The following ZFHX3 variants were observed in gnomAD, a reference collection of about 807,000 sequenced individuals.
ZFHX3 encodes the protein zinc finger homeobox protein 3.
ZFHX3 carries 42 observed loss-of-function variants against 279.1 expected under a neutral mutation model. The observed-to-expected ratio is 0.15, with a 90% CI of 0.12 to 0.19. ZFHX3 has a LOEUF of 0.19. Among genes scored for constraint, ZFHX3 ranks in the 10% least tolerant of loss-of-function variants. The pLI is 1.00. For missense variants in ZFHX3, 4,981 were observed against 4,754.0 expected (o/e 1.05, Z -1.40); for synonymous variants, 2,293 against 1,957.8 (o/e 1.17, Z -4.52).
At chr16:73,394,730 T>C (rs953880909) in intron 3 of ZFHX3, among the ~76,000 whole-genome samples, 1 of 152,226 alleles carries the variant, frequency 6.6e-6, no homozygotes, top group Admixed American at 6.5e-5. Flanking sequence ...TTTATATTAA[T>C]TGAGGCTTTG....
intron 3 of ZFHX3, among the ~76,000 whole-genome samples, chr16:73,396,995 C>T (rs1212397623): frequency 6.6e-6 from 1 of 152,200 alleles, no homozygotes; most frequent in Admixed American, 6.5e-5. Flanking sequence ...GGCAATGCCC[C>T]CTGCAGTGTG....
At chr16:72,894,860 GTCAC>G (rs1340304486) in intron 3 of ZFHX3, among the ~76,000 whole-genome samples, 1 of 152,184 alleles carries the variant, frequency 6.6e-6, no homozygotes, top group Non-Finnish European at 1.5e-5. Flanking sequence ...CTATCACAGA[GTCAC>G]CCGCTGGGGA....
chr16:73,022,234 T>C (rs1413088110), intron 1 of ZFHX3, among the ~76,000 whole-genome samples: 2 of 152,078 alleles, frequency 1.3e-5, no homozygotes, highest in South Asian at 2.1e-4. Context: ...CATGGGACTC[T>C]CAAACAAAAG....
chr16:72,926,948 A>G (rs948809123), intron 3 of ZFHX3, among the ~76,000 whole-genome samples: 5 of 152,228 alleles, frequency 3.3e-5, no homozygotes, highest in African/African-American at 1.2e-4. Flanking sequence ...ATTTATAGGA[A>G]AGTCTCCAAT....
intron 1 of ZFHX3, among the ~76,000 whole-genome samples, chr16:73,818,737 G>A (rs558833615): frequency 3.3e-5 from 5 of 152,184 alleles, no homozygotes; most frequent in East Asian, 1.9e-4. Context: ...GCTCTGCTGC[G>A]CTTTCTCAAA....
intron 3 of ZFHX3, among the ~76,000 whole-genome samples, chr16:73,409,719 G>A (rs1261169709): frequency 3.3e-5 from 5 of 152,088 alleles, no homozygotes; most frequent in African/African-American, 1.2e-4. Context: ...GTGACCTAAG[G>A]GTACATGACG....
chr16:73,530,093 C>G (rs1175174952), intron 2 of ZFHX3, among the ~76,000 whole-genome samples: 3 of 152,136 alleles, frequency 2.0e-5, no homozygotes, highest in Non-Finnish European at 4.4e-5. Context: ...TTAATGGTCT[C>G]ACAGTTCCAC....
At chr16:73,591,815 G>T (rs1474394265) in intron 2 of ZFHX3, among the ~76,000 whole-genome samples, 1 of 43,976 alleles carries the variant, frequency 2.3e-5, no homozygotes, top group Non-Finnish European at 5.2e-5. Flanking sequence ...TTGATTCAAG[G>T]AAATGGTAAA....
chr16:72,966,229 T>C (rs1316969092), intron 1 of ZFHX3, among the ~76,000 whole-genome samples: 2 of 152,014 alleles, frequency 1.3e-5, no homozygotes, highest in Non-Finnish European at 2.9e-5. Context: ...GAGGGAACAA[T>C]TAAAATGCTC....
chr16:73,468,759 G>T (rs1026604472), intron 2 of ZFHX3, among the ~76,000 whole-genome samples: 5 of 152,162 alleles, frequency 3.3e-5, no homozygotes, highest in Non-Finnish European at 5.9e-5. Context: ...GAGGAGAAAA[G>T]ATTTGGGAGG....
chr16:73,455,409 G>A (rs898382903), intron 3 of ZFHX3, among the ~76,000 whole-genome samples: 4 of 152,090 alleles, frequency 2.6e-5, no homozygotes, highest in South Asian at 2.1e-4. Context: ...AAACAAAATG[G>A]AACATACATG....
chr16:72,792,671 C>T (rs2035752417), intron 9 of ZFHX3, among the ~76,000 whole-genome samples: 1 of 152,082 alleles, frequency 6.6e-6, no homozygotes, highest in South Asian at 2.1e-4. Context: ...AGGCTGGTCT[C>T]GATTTCCTGA....
At chr16:72,910,566 C>G (rs2039292112) in intron 3 of ZFHX3, among the ~76,000 whole-genome samples, 1 of 152,180 alleles carries the variant, frequency 6.6e-6, no homozygotes, top group African/African-American at 2.4e-5. Flanking sequence ...TTCTCATAAG[C>G]ACCTTGAGAC....
intron 1 of ZFHX3, among the ~76,000 whole-genome samples, chr16:73,833,522 C>G (rs937998609): frequency 1.1e-4 from 16 of 151,918 alleles, no homozygotes; most frequent in Non-Finnish European, 1.8e-4. Context: ...CCAAACACCG[C>G]ATGTTCTCAC....
intron 3 of ZFHX3, among the ~76,000 whole-genome samples, chr16:73,355,997 G>A (rs2016334680): frequency 6.6e-6 from 1 of 152,122 alleles, no homozygotes; most frequent in South Asian, 2.1e-4. Flanking sequence ...TGCCTCTCCA[G>A]CAACCTTTCC....
rs1384689127 is a variant in ZFHX3, at chr16:72,958,019, G to A, written c.2127C>T (p.Pro709=). The change falls in exon 2 of 10, where the codon CCC becomes CCT. Residue 709 remains proline, a synonymous_variant. Transcript: ENST00000268489. ...GSCVYCKSGQ[P]HPRLARGESY... Reference sequence around the variant, plus strand: ...TCTCGCCTCGTGCCAGCCGGGGGTGGGGCTGCCCGCTTTTGCAGTAGACAC... The same window carrying A: ...TCTCGCCTCGTGCCAGCCGGGGGTGAGGCTGCCCGCTTTTGCAGTAGACAC... 2 of 1,604,248 alleles carry A rather than the reference G, an allele frequency of 1.2e-6. No individual in the cohort carries two copies. Among genetic ancestry groups the A allele is most frequent in the Admixed American group, 1.7e-5 (1 of 59,084 alleles).
At chr16:73,398,647 T>A (rs890267154) in intron 3 of ZFHX3, among the ~76,000 whole-genome samples, 1 of 152,132 alleles carries the variant, frequency 6.6e-6, no homozygotes, top group African/African-American at 2.4e-5. Context: ...ACACCACTGG[T>A]CCCCACATAA....
chr16:73,397,789 GC>G (rs922042145), intron 3 of ZFHX3, among the ~76,000 whole-genome samples: 5 of 147,808 alleles, frequency 3.4e-5, no homozygotes, highest in African/African-American at 1.2e-4. Context: ...GTTAAGCTGG[GC>G]AAGACTTTGG....
At chr16:72,857,910 G>A (rs149939324) in intron 4 of ZFHX3, among the ~76,000 whole-genome samples, 2 of 152,180 alleles carry the variant, frequency 1.3e-5, no homozygotes, top group African/African-American at 4.8e-5. Flanking sequence ...TTCAGACAAA[G>A]GCAGGGTTTT....
Sources: allele counts gnomAD v4.1 joint callset (sites outside exome capture counted in the v4.1 genomes callset), GRCh38; gene constraint gnomAD v4.1.1; transcripts MANE v1.5; gene names NCBI Gene and HGNC (gene_info 2026-07-23, HGNC 2026-07-21).